Variants in PPP1R9A observed in about 807,000 individuals in gnomAD.
PPP1R9A encodes the protein neurabin-1.
In PPP1R9A, 59 loss-of-function variants were observed where a neutral mutation model predicts 141.9. The ratio of observed to expected loss-of-function variants is 0.42; its 90% CI spans 0.34 to 0.52. The LOEUF is 0.52. Among genes scored for constraint, PPP1R9A ranks in the 20% least tolerant of loss-of-function variants. PPP1R9A has a pLI of 0.10. For missense variants in PPP1R9A, 1,444 were observed against 1,611.9 expected, an observed-to-expected ratio of 0.90 and a Z score of 1.78; for synonymous variants, 500 against 569.7, an observed-to-expected ratio of 0.88 and a Z score of 1.74.
chr7:95,206,744 G>T (rs911365155), intron 7 of PPP1R9A, among the ~76,000 whole-genome samples: 3 of 152,072 alleles, frequency 2.0e-5, no homozygotes, highest in Non-Finnish European at 2.9e-5. Context: ...TTCTTGAACT[G>T]CTTCTTTCAC....
At chr7:95,104,644 G>T (rs978026399) in intron 2 of PPP1R9A, among the ~76,000 whole-genome samples, 1 of 151,924 alleles carries the variant, frequency 6.6e-6, no homozygotes, top group Non-Finnish European at 1.5e-5. Flanking sequence ...ACATACTCCC[G>T]GGCACACACT....
At chr7:94,948,777 T>C (rs188946098) in intron 2 of PPP1R9A, among the ~76,000 whole-genome samples, 9 of 152,240 alleles carry the variant, frequency 5.9e-5, no homozygotes, top group East Asian at 1.9e-4. Flanking sequence ...TACTTGAAAC[T>C]TGGGACTCCA....
At chr7:95,019,973 G>A (rs1411695018) in intron 2 of PPP1R9A, among the ~76,000 whole-genome samples, 1 of 152,038 alleles carries the variant, frequency 6.6e-6, no homozygotes, top group Non-Finnish European at 1.5e-5. Flanking sequence ...ACAGGTGAAT[G>A]GAGAAACAAA....
intron 2 of PPP1R9A, among the ~76,000 whole-genome samples, chr7:95,097,364 G>T (rs933569529): frequency 4.6e-5 from 7 of 152,158 alleles, no homozygotes; most frequent in Non-Finnish European, 1.0e-4. Context: ...GTGCCAACCA[G>T]TGAGCTGGTG....
At chr7:95,017,141 A>G (rs1275578674) in intron 2 of PPP1R9A, among the ~76,000 whole-genome samples, 1 of 152,160 alleles carries the variant, frequency 6.6e-6, no homozygotes, top group Non-Finnish European at 1.5e-5. Context: ...TGGAGGGAGC[A>G]TGGCCCAGTA....
chr7:95,087,913 A>G (rs186566840), intron 2 of PPP1R9A, among the ~76,000 whole-genome samples: 1,994 of 147,276 alleles, frequency 0.014, 62 homozygotes, highest in African/African-American at 0.044. Context: ...GAGAGAGAGA[A>G]AAAAAAAAAA....
chr7:94,940,540 T>C (rs1291569141), intron 2 of PPP1R9A, among the ~76,000 whole-genome samples: 1 of 152,010 alleles, frequency 6.6e-6, no homozygotes, highest in Non-Finnish European at 1.5e-5. Context: ...GTATTAATAT[T>C]ATATGTTTGT....
chr7:95,247,475 G>A lies in PPP1R9A; in HGVS notation c.2115G>A (p.Leu705=). The A allele has an allele frequency of 6.2e-7, 1 of 1,604,636 alleles. No homozygotes were observed. The highest frequency in any genetic ancestry group is 8.5e-7 in the Non-Finnish European group (1 of 1,173,712). The change falls in exon 9 of 20, where the codon TTG becomes TTA. Residue 705 remains leucine (L), a splice_region_variant and synonymous_variant. Coordinates refer to ENST00000433360, the MANE Select transcript of PPP1R9A (RefSeq NM_001166160.2). ...TSKLSHKFKE[L]QIKHAVTEAE... ...TTTTCTTTCTTTTCAATTTTCAGTT[G>A]CAAATCAAACATGCAGTTACAGAAG...
At chr7:95,043,282 C>T (rs1809519243) in intron 2 of PPP1R9A, among the ~76,000 whole-genome samples, 1 of 152,168 alleles carries the variant, frequency 6.6e-6, no homozygotes, top group Non-Finnish European at 1.5e-5. Context: ...AGTGGTAAGA[C>T]ATATCTGCCT....
chr7:95,079,317 C>A (rs1815394697), intron 2 of PPP1R9A, among the ~76,000 whole-genome samples: 1 of 152,112 alleles, frequency 6.6e-6, no homozygotes, highest in Non-Finnish European at 1.5e-5. Context: ...TTTCTGAGGG[C>A]TCTGTTCTGT....
intron 7 of PPP1R9A, among the ~76,000 whole-genome samples, chr7:95,221,704 A>G (rs1005858302): frequency 6.6e-6 from 1 of 152,240 alleles, no homozygotes; most frequent in South Asian, 2.1e-4. Flanking sequence ...AAAATTAGGT[A>G]TGAGAAGGAA....
At chr7:94,940,564 AG>A (rs1795233137) in intron 2 of PPP1R9A, among the ~76,000 whole-genome samples, 2 of 152,040 alleles carry the variant, frequency 1.3e-5, no homozygotes, top group South Asian at 4.1e-4. Context: ...ATAAAAGAAA[AG>A]GAAAACATTT....
At chr7:94,964,272 G>T (rs780902237) in intron 2 of PPP1R9A, among the ~76,000 whole-genome samples, 60 of 152,158 alleles carry the variant, frequency 3.9e-4, no homozygotes, top group Non-Finnish European at 8.2e-4. Context: ...AATTTTTGCA[G>T]GGACATAGGC....
intron 7 of PPP1R9A, among the ~76,000 whole-genome samples, chr7:95,225,561 T>C (rs971609053): frequency 6.6e-6 from 1 of 151,608 alleles, no homozygotes; most frequent in Non-Finnish European, 1.5e-5. Flanking sequence ...AACTCTGTGA[T>C]TCATTAAACT....
At chr7:95,076,683 A>G (rs1328220832) in intron 2 of PPP1R9A, among the ~76,000 whole-genome samples, 1 of 152,080 alleles carries the variant, frequency 6.6e-6, no homozygotes, top group Non-Finnish European at 1.5e-5. Context: ...TAAAAATAGT[A>G]TTTGTTCATT....
At chr7:95,141,324 A>G (rs1563300600) in intron 4 of PPP1R9A, among the ~76,000 whole-genome samples, 1 of 152,148 alleles carries the variant, frequency 6.6e-6, no homozygotes, top group Non-Finnish European at 1.5e-5. Context: ...GTTCTCTAAG[A>G]TTTATTTTTT....
intron 2 of PPP1R9A, among the ~76,000 whole-genome samples, chr7:95,017,677 G>T (rs1407766696): frequency 1.3e-5 from 2 of 152,152 alleles, no homozygotes; most frequent in Non-Finnish European, 2.9e-5. Context: ...AAGAAGGTTG[G>T]AGGACTTATC....
intron 2 of PPP1R9A, among the ~76,000 whole-genome samples, chr7:95,077,080 G>A (rs772204747): frequency 6.6e-6 from 1 of 151,886 alleles, no homozygotes; most frequent in Admixed American, 6.6e-5. Flanking sequence ...TAAGCCACTT[G>A]TGTAAATATA....
chr7:95,057,278 T>A (rs1282400817), intron 2 of PPP1R9A, among the ~76,000 whole-genome samples: 1 of 152,078 alleles, frequency 6.6e-6, no homozygotes, highest in Non-Finnish European at 1.5e-5. Flanking sequence ...TCTATGAACT[T>A]GATTTTTTCC....
Sources: allele counts gnomAD v4.1 joint callset (sites outside exome capture counted in the v4.1 genomes callset), GRCh38; gene constraint gnomAD v4.1.1; transcripts MANE v1.5; gene names NCBI Gene and HGNC (gene_info 2026-07-23, HGNC 2026-07-21).